The following PRR12 variants were observed in gnomAD, a reference collection of about 807,000 sequenced individuals.
The protein encoded by PRR12 is proline-rich protein 12.
A neutral mutation model predicts 138.0 loss-of-function variants in PRR12; 12 were observed. The ratio of observed to expected loss-of-function variants is 0.09; its 90% CI spans 0.06 to 0.14. PRR12 has a LOEUF of 0.14. PRR12 is among the 10% of genes least tolerant of loss of function. PRR12 has a pLI of 1.00. For synonymous variants in PRR12, 1,567 were observed against 1,291.7 expected, an observed-to-expected ratio of 1.21 and a Z score of -4.57; for missense variants, 2,692 against 2,861.3, an observed-to-expected ratio of 0.94 and a Z score of 1.35.
chr19:49,606,092 C>T (rs1226153844), intron 6 of PRR12, among the ~76,000 whole-genome samples: 1 of 152,124 alleles, frequency 6.6e-6, no homozygotes, highest in Non-Finnish European at 1.5e-5. Flanking sequence ...CCTCAAACTC[C>T]TGGGCTCAAG....
Position 49,611,941 on chromosome 19 carries a change from A to C in PRR12, c.4774-2592A>C, listed in dbSNP as rs1283167320. Among the ~76,000 whole-genome samples the C allele has an allele frequency of 1.5e-4, 22 of 142,788 alleles. 2 individuals are homozygous for C. Among genetic ancestry groups the C allele is most frequent in the East Asian group, 2.1e-4 (1 of 4,866 alleles). 93.7% of individuals were successfully genotyped at this position (142,788 alleles called of 152,430 possible). On this transcript the variant is annotated intron_variant, in intron 6 of 13. Transcript: ENST00000418929. ...CCGTCTCAAAAAAAAAAAAAAAAAA[A>C]AAAAAAACAGGCCGGGCACAGTGGC...
In PRR12 at chr19:49,594,788, C is replaced by T. The variant is rs199639980; in HGVS notation, c.453C>T (p.Tyr151=). 20 of 1,613,402 alleles carry T rather than the reference C, an allele frequency of 1.2e-5. No homozygotes were observed. The East Asian group carries it at 4.2e-4, about 34-fold the overall frequency. Residue 151 remains tyrosine, a synonymous_variant, in exon 4 of 14, where the codon TAC becomes TAT. Transcript: ENST00000418929. This position sits in a 1 kb window ranked among gnomAD's most constrained non-coding sequence, Gnocchi z 5.6. ...CGTCCTCATCTGCCCTGTCGGCTTA[C>T]CAACACCCGGCTTCCTTCGGCAGCC... ...TFPSSSALSA[Y]QHPASFGSRP...
chr19:49,593,553 C>T (rs894428908), intron 2 of PRR12, 114 bp downstream of exon 2: 91 of 601,966 alleles, frequency 1.5e-4, no homozygotes, highest in African/African-American at 1.4e-3. Context: ...TGCCGTGGCC[C>T]GCCCCTTGCT....
chr19:49,623,631 TAAA>T (rs76408039), intron 11 of PRR12, among the ~76,000 whole-genome samples: 1 of 133,668 alleles, frequency 7.5e-6, no homozygotes. Context: ...GACTTTGTCT[TAAA>T]AAAAAAAAAA....
At position 49,597,089 on chromosome 19, in the gene PRR12, G is replaced by T; in HGVS notation, c.2754G>T (p.Pro918=). ...DPAGAYRSPS[P]QGTKAPRFVP... ...CAGGCGCCTACCGCAGCCCCAGCCC[G>T]CAAGGCACCAAGGCGCCGCGTTTCG... is the stretch of plus-strand genomic sequence containing the variant. Residue 918 remains proline (P), a synonymous_variant, in exon 4 of 14, where the codon CCG becomes CCT. Coordinates refer to ENST00000418929, the MANE Select transcript of PRR12 (RefSeq NM_020719.3). This position sits in a 1 kb window ranked among gnomAD's most constrained non-coding sequence, Gnocchi z 6.3. The T allele has an allele frequency of 6.4e-7, 1 of 1,551,920 alleles. No individual in the cohort carries two copies.
rs760055506 is a variant in PRR12 at position 49,625,155 on chromosome 19, G to A, written c.5919G>A (p.Ser1973=). ...CGGGATACTATACACTCTACCATTC[G>A]CTCCACCACTATAAATACCACACCT... is the stretch of plus-strand genomic sequence containing the variant. ...EKSGYYTLYH[S]LHHYKYHTFL... is the part of the protein sequence containing the mutation. The change falls in exon 13 of 14, where the codon TCG becomes TCA. Residue 1973 remains serine, a synonymous_variant. Transcript: ENST00000418929. The surrounding 1 kb of genome is among the most constrained non-coding windows in gnomAD (Gnocchi z 5.5). The A allele has an allele frequency of 8.1e-6, 13 of 1,613,580 alleles. No individual in the cohort carries two copies. The highest frequency in any genetic ancestry group is 3.3e-5 in the Admixed American group (2 of 59,968).
In PRR12 at chr19:49,595,844, G is replaced by A. The variant is rs2080764149; in HGVS notation, c.1509G>A (p.Gln503=). The change falls in exon 4 of 14, where the codon CAG becomes CAA. Residue 503 remains glutamine (Q), a synonymous_variant. Coordinates refer to ENST00000418929, the MANE Select transcript of PRR12 (RefSeq NM_020719.3). ...TCQSYSPDQL[Q]GQLYGVQGEP... is the part of the protein sequence containing the mutation. Reference sequence around the variant, plus strand: ...AGAGCTACTCCCCGGACCAGCTGCAGGGGCAGCTGTATGGGGTGCAGGGCG... The same window carrying A: ...AGAGCTACTCCCCGGACCAGCTGCAAGGGCAGCTGTATGGGGTGCAGGGCG... 8.1e-6 allele frequency: 13 copies of A among 1,601,262 alleles called. No individual in the cohort carries two copies. The highest frequency in any genetic ancestry group is 1.1e-5 in the Non-Finnish European group (13 of 1,178,120).
At position 49,596,027 on chromosome 19, in the gene PRR12, C is replaced by T; in HGVS notation, c.1692C>T (p.Ile564=). 6.2e-7 allele frequency: 1 copy of T among 1,601,522 alleles called. No homozygotes were observed. The highest frequency in any genetic ancestry group is 8.5e-7 in the Non-Finnish European group (1 of 1,179,730). The change falls in exon 4 of 14, where the codon ATC becomes ATT. Residue 564 remains isoleucine, a synonymous_variant. Transcript: ENST00000418929. The surrounding 1 kb of genome is among the most constrained non-coding windows in gnomAD (Gnocchi z 5.6). ...GCGGTGAGGCCAGCCCATCTCACAT[C>T]ATTCGTCCGCTCCAGTCACCGCCTG... ...GGGGEASPSH[I]IRPLQSPPAT...
chr19:49,615,110 A>C, intron 8 of PRR12, 101 bp downstream of exon 8: 1 of 1,510,714 alleles, frequency 6.6e-7, no homozygotes, highest in South Asian at 1.2e-5. Flanking sequence ...GGGTGGGGAC[A>C]GAGAGAGGAG....
intron 11 of PRR12, among the ~76,000 whole-genome samples, chr19:49,622,958 A>AAG (rs1326451216): frequency 8.7e-4 from 82 of 94,474 alleles, no homozygotes; most frequent in African/African-American, 3.6e-3. Flanking sequence ...GAGAGAGAGA[A>AAG]AGAGAGAGAG....
intron 10 of PRR12, among the ~76,000 whole-genome samples, chr19:49,620,989 C>T (rs1273095913): frequency 8.6e-4 from 53 of 61,422 alleles, no homozygotes; most frequent in South Asian, 2.0e-3. Flanking sequence ...GGGACTGGGG[C>T]CTGGACTCCT....
intron 5 of PRR12, among the ~76,000 whole-genome samples, chr19:49,600,538 CACA>C (rs2080804554): frequency 6.6e-6 from 1 of 151,072 alleles, no homozygotes; most frequent in South Asian, 2.1e-4. Flanking sequence ...GTAATCCTAG[CACA>C]CTTTGGGAGG....
At position 49,601,601 on chromosome 19, in the gene PRR12, C is replaced by G. The variant is rs768710248; in HGVS notation, c.4456C>G (p.Pro1486Ala). 6.5e-7 allele frequency: 1 copy of G among 1,543,526 alleles called. No individual in the cohort carries two copies. ...PPPQPALPSPPPLVAPTPSSP... is the reference protein window; with the variant it reads ...PPPQPALPSPAPLVAPTPSSP... ...GCCACAGCCAGCCCTGCCCTCGCCA[C>G]CCCCGCTGGTGGCCCCCACGCCCAG... Residue 1486 changes from proline to alanine, a missense_variant, in exon 6 of 14, where the codon CCC becomes GCC. Pro to Ala is a conservative substitution (Grantham distance 27). Transcript: ENST00000418929.
At chr19:49,606,272 G>C (rs2080837394) in intron 6 of PRR12, among the ~76,000 whole-genome samples, 1 of 151,852 alleles carries the variant, frequency 6.6e-6, no homozygotes, top group Non-Finnish European at 1.5e-5. Context: ...CCAAAGTGCT[G>C]AGATTGCCGG....
At position 49,597,624 on chromosome 19, in the gene PRR12, C is replaced by A; in HGVS notation, c.3289C>A (p.Gln1097Lys). ...PFQTPKKLYA[Q>K]EYEFEADEDK... ...CCAGACCCCCAAGAAGCTGTACGCC[C>A]AGGAGTACGAGTTCGAGGCGGACGA... The change falls in exon 4 of 14, where the codon CAG becomes AAG. Residue 1097 changes from glutamine to lysine, a missense_variant. Gln to Lys is a moderately conservative substitution (Grantham distance 53). Coordinates refer to ENST00000418929, the MANE Select transcript of PRR12 (RefSeq NM_020719.3). The surrounding 1 kb of genome is among the most constrained non-coding windows in gnomAD (Gnocchi z 6.3). 1 of 1,610,156 alleles carries A rather than the reference C, an allele frequency of 6.2e-7. No homozygotes were observed. The highest frequency in any genetic ancestry group is 8.5e-7 in the Non-Finnish European group (1 of 1,178,966).
At position 49,597,941 on chromosome 19, in the gene PRR12, C is replaced by T. The variant is rs1295339482; in HGVS notation, c.3606C>T (p.Gly1202=). The change falls in exon 4 of 14, where the codon GGC becomes GGT. Residue 1202 remains glycine (G), a synonymous_variant. Transcript: ENST00000418929. This position sits in a 1 kb window ranked among gnomAD's most constrained non-coding sequence, Gnocchi z 6.3. ...CCGATGGCGCCAAGAAACCCCGGGG[C>T]CGGGGCCGAGGCCGGGGTCGAAAGG... ...TPTDGAKKPR[G]RGRGRGRKAE... The T allele has an allele frequency of 5.7e-6, 8 of 1,403,484 alleles. No individual in the cohort carries two copies. The highest frequency in any genetic ancestry group is 6.5e-6 in the Non-Finnish European group (7 of 1,082,610). The allele number at this position is 1,403,484 out of a possible 1,614,324, so 86.9% of individuals were successfully genotyped here.
chr19:49,615,622 C>T, intron 8 of PRR12, 125 bp from the exon 9 acceptor site: 1 of 770,686 alleles, frequency 1.3e-6, no homozygotes, highest in Non-Finnish European at 2.0e-6. Flanking sequence ...GGAACAGAGA[C>T]CAGAGAGAGG....
chr19:49,599,088 C>T lies in PRR12; in HGVS notation c.3679-184C>T, dbSNP rs2116923. ...GAAGAGGCTCAGTGAGTCCAAGTTC[C>T]TGGTCTTCTGAGGGAGGAACTCCAG... On this transcript the variant is annotated intron_variant, in intron 4 of 13. Coordinates refer to ENST00000418929, the MANE Select transcript of PRR12 (RefSeq NM_020719.3). This position sits in a 1 kb window ranked among gnomAD's most constrained non-coding sequence, Gnocchi z 5.0. Among the ~76,000 whole-genome samples the T allele has an allele frequency of 0.023, 3,577 of 152,252 alleles. 138 individuals carry two copies. The highest frequency in any genetic ancestry group is 0.081 in the African/African-American group (3,368 of 41,552).
intron 6 of PRR12, among the ~76,000 whole-genome samples, chr19:49,604,359 G>A (rs1221768332): frequency 6.9e-6 from 1 of 144,268 alleles, no homozygotes; most frequent in African/African-American, 2.6e-5. Flanking sequence ...GAGCGAGACT[G>A]TCTCAAAAAA....
Sources: gnomAD v4.1 joint callset for allele counts (sites outside exome capture counted in the v4.1 genomes callset) on GRCh38, gnomAD v4.1.1 for gene constraint, Gnocchi (gnomAD v3.1) non-coding constraint, MANE v1.5 for transcripts, NCBI Gene and HGNC (gene_info 2026-07-23, HGNC 2026-07-21) for gene names.